TFDP2: variants seen among roughly 807,000 people sequenced by gnomAD.
TFDP2 encodes the protein transcription factor Dp-2, also known as transcription factor Dp-2 (E2F dimerization partner 2).
Under a neutral mutation model 59.3 loss-of-function variants are expected in TFDP2, and 17 were observed. The observed-to-expected ratio is 0.29, with a 90% confidence interval of 0.20 to 0.43. The LOEUF is 0.43. TFDP2 is among the 20% of genes least tolerant of loss of function. TFDP2 has a pLI of 1.00. For missense variants in TFDP2, 391 were observed against 528.8 expected (o/e 0.74, Z 2.56); for synonymous variants, 180 against 194.7 (o/e 0.92, Z 0.63).
intron 3 of TFDP2, chr3:142,044,194 C>T (rs1431460526): frequency 3.1e-5 from 12 of 390,210 alleles, no homozygotes; most frequent in Non-Finnish European, 4.2e-5. Flanking sequence ...CCTGAGCATA[C>T]TCATGGCTGC....
chr3:141,990,299 G>A (rs900803364), intron 6 of TFDP2, among the ~76,000 whole-genome samples: 2 of 151,854 alleles, frequency 1.3e-5, no homozygotes, highest in African/African-American at 2.4e-5. Flanking sequence ...GACCAGGCTG[G>A]AGTCTCACCC....
chr3:142,052,090 C>G (rs1192705228), intron 3 of TFDP2, among the ~76,000 whole-genome samples: 1 of 152,088 alleles, frequency 6.6e-6, no homozygotes, highest in Non-Finnish European at 1.5e-5. Context: ...TGCACTACTG[C>G]ACTCCGGCCA....
intron 3 of TFDP2, among the ~76,000 whole-genome samples, chr3:142,081,177 G>A (rs1479807088): frequency 1.3e-5 from 2 of 152,120 alleles, no homozygotes; most frequent in African/African-American, 2.4e-5. Context: ...TCAATAACAA[G>A]AGGAATTCTA....
Position 142,093,075 on chromosome 3 carries a change from A to G in TFDP2, c.68T>C (p.Leu23Pro), listed in dbSNP as rs2061050901. 3 of 1,537,540 alleles carry G rather than the reference A, an allele frequency of 2.0e-6. No homozygotes were observed. The East Asian group carries it at 7.2e-5, about 37-fold the overall frequency. Reference protein sequence around the residue: ...AEVRGFIDQNLSPTKGNISFV... With the variant: ...AEVRGFIDQNPSPTKGNISFV... Reference sequence around the variant, plus strand: ...ATAATCCTTACCTTTTGTTGGACTGAGATTCTGATCTATAAATCCTCTTAC... The same window carrying G: ...ATAATCCTTACCTTTTGTTGGACTGGGATTCTGATCTATAAATCCTCTTAC... Residue 23 changes from leucine (L) to proline (P), a missense_variant, in exon 3 of 13, where the codon CTC (leucine) becomes CCC (proline). Transcript: ENST00000489671.
At chr3:142,145,293 T>C (rs1416085164) in intron 1 of TFDP2, among the ~76,000 whole-genome samples, 1 of 152,074 alleles carries the variant, frequency 6.6e-6, no homozygotes, top group Non-Finnish European at 1.5e-5. Context: ...GCAGGAGAGG[T>C]TGCCAGAAGA....
chr3:142,122,374 A>T (rs370540228), intron 1 of TFDP2, among the ~76,000 whole-genome samples: 1 of 152,164 alleles, frequency 6.6e-6, no homozygotes, highest in South Asian at 2.1e-4. Flanking sequence ...CCCTATCTCT[A>T]AAATTTAGAA....
At chr3:142,115,115 T>TC (rs2061803531) in intron 1 of TFDP2, among the ~76,000 whole-genome samples, 2 of 152,122 alleles carry the variant, frequency 1.3e-5, no homozygotes, top group Admixed American at 1.3e-4. Context: ...TTAACAGAAT[T>TC]CACTGACATT....
chr3:142,023,104 G>A (rs1421419336), intron 3 of TFDP2, among the ~76,000 whole-genome samples: 11 of 123,152 alleles, frequency 8.9e-5, no homozygotes, highest in Non-Finnish European at 1.8e-4. Flanking sequence ...TGGCAACGCA[G>A]TGAGACTCCC....
chr3:141,971,174 TC>T (rs1281490823), intron 8 of TFDP2, among the ~76,000 whole-genome samples: 1 of 151,856 alleles, frequency 6.6e-6, no homozygotes, highest in Admixed American at 6.6e-5. Flanking sequence ...GGTCTGAACT[TC>T]CTTGCAGTTG....
chr3:142,079,662 C>T lies in TFDP2; in HGVS notation c.82+13399G>A, dbSNP rs570143127. Among the ~76,000 whole-genome samples, 20 of 152,112 alleles carry T rather than the reference C, an allele frequency of 1.3e-4. 1 individual carries two copies. The highest frequency in any genetic ancestry group is 2.8e-4 in the Non-Finnish European group (19 of 68,028). ...GCCCCAAGAGAAAAGAAACAAATAA[C>T]ATGCAATGAAGCTCCAAAGCACCCG... On this transcript the variant is annotated intron_variant, in intron 3 of 12. Transcript: ENST00000489671.
chr3:142,043,548 A>T, intron 3 of TFDP2: 2 of 661,638 alleles, frequency 3.0e-6, no homozygotes, highest in South Asian at 3.6e-5. Context: ...TTACAAGCAG[A>T]TAAAGGTTTC....
intron 3 of TFDP2, among the ~76,000 whole-genome samples, chr3:142,014,828 CT>C (rs147385913): frequency 2.1e-4 from 32 of 152,272 alleles, no homozygotes; most frequent in African/African-American, 7.7e-4. Flanking sequence ...AAAAAACCAA[CT>C]TTTCTTGACC....
At chr3:141,956,948 C>CA (rs1553754357) in intron 11 of TFDP2, among the ~76,000 whole-genome samples, 2 of 150,826 alleles carry the variant, frequency 1.3e-5, no homozygotes, top group Admixed American at 6.6e-5. Context: ...CCACCCCCCC[C>CA]ACAAAAATCA....
intron 3 of TFDP2, among the ~76,000 whole-genome samples, chr3:142,044,367 C>A (rs1336380227): frequency 1.3e-5 from 2 of 150,376 alleles, no homozygotes; most frequent in African/African-American, 4.9e-5. Flanking sequence ...TCCCAAGTAG[C>A]TGGGACTACA....
At chr3:142,030,773 C>T (rs939582965) in intron 3 of TFDP2, among the ~76,000 whole-genome samples, 46 of 126,596 alleles carry the variant, frequency 3.6e-4, no homozygotes, top group African/African-American at 1.3e-3. Flanking sequence ...GACGGAGTCT[C>T]GCTCTGTCGC....
At chr3:142,074,073 C>T (rs1453385717) in intron 3 of TFDP2, among the ~76,000 whole-genome samples, 1 of 152,174 alleles carries the variant, frequency 6.6e-6, no homozygotes, top group African/African-American at 2.4e-5. Flanking sequence ...CATTATGATA[C>T]AGACATATGG....
At chr3:142,038,990 T>C (rs776767963) in intron 3 of TFDP2, among the ~76,000 whole-genome samples, 1 of 152,192 alleles carries the variant, frequency 6.6e-6, no homozygotes, top group Non-Finnish European at 1.5e-5. Flanking sequence ...AGTCAAATAA[T>C]TTGTACAATT....
intron 1 of TFDP2, among the ~76,000 whole-genome samples, chr3:142,113,446 G>C (rs190440199): frequency 2.2e-4 from 34 of 152,042 alleles, no homozygotes; most frequent in African/African-American, 8.2e-4. Flanking sequence ...ATTTTTAGTA[G>C]AGACGGGGTT....
chr3:142,096,833 C>G (rs2061178073), intron 2 of TFDP2, among the ~76,000 whole-genome samples: 1 of 151,994 alleles, frequency 6.6e-6, no homozygotes, highest in African/African-American at 2.4e-5. Context: ...ACGGTCACTA[C>G]AAAATGGGAA....
Sources: allele counts gnomAD v4.1 joint callset (sites outside exome capture counted in the v4.1 genomes callset), GRCh38; gene constraint gnomAD v4.1.1; transcripts MANE v1.5; gene names NCBI Gene and HGNC (gene_info 2026-07-23, HGNC 2026-07-21).